The following CRYBG1 variants were observed in gnomAD, a reference collection of about 807,000 sequenced individuals.
The protein encoded by CRYBG1 is crystallin beta-gamma domain containing 1.
Under a neutral mutation model 189.2 loss-of-function variants are expected in CRYBG1, and 139 were observed. The observed-to-expected ratio is 0.73, with a 90% CI of 0.64 to 0.85. The LOEUF is 0.85. Ranked by LOEUF, CRYBG1 falls within the 40% of genes least tolerant of loss-of-function variation. CRYBG1 has a pLI of 0.00. For synonymous variants in CRYBG1, 1,023 were observed against 1,017.1 expected, an observed-to-expected ratio of 1.01 and a Z score of -0.11; for missense variants, 2,611 against 2,675.8, an observed-to-expected ratio of 0.98 and a Z score of 0.53.
chr6:106,528,322 C>T (rs935543912), intron 7 of CRYBG1, among the ~76,000 whole-genome samples: 1 of 152,062 alleles, frequency 6.6e-6, no homozygotes, highest in Non-Finnish European at 1.5e-5. Flanking sequence ...TTCAAAATGT[C>T]CTCATTAGTG....
intron 1 of CRYBG1, among the ~76,000 whole-genome samples, chr6:106,361,914 TA>T (rs1370430265): frequency 1.3e-5 from 2 of 150,740 alleles, no homozygotes; most frequent in Admixed American, 6.6e-5. Flanking sequence ...AGGGCCAGAA[TA>T]AAATTGTGCA....
chr6:106,545,745 C>G (rs940810224), intron 13 of CRYBG1, among the ~76,000 whole-genome samples: 1 of 152,088 alleles, frequency 6.6e-6, no homozygotes, highest in African/African-American at 2.4e-5. Flanking sequence ...GTGGCAAAAT[C>G]TCAGCTCACT....
At chr6:106,442,155 A>G (rs555540574) in intron 1 of CRYBG1, among the ~76,000 whole-genome samples, 1 of 152,362 alleles carries the variant, frequency 6.6e-6, no homozygotes, top group Admixed American at 6.5e-5. Flanking sequence ...AGAAAATACA[A>G]TAAATGCTAA....
intron 8 of CRYBG1, among the ~76,000 whole-genome samples, chr6:106,530,555 T>C (rs1289239124): frequency 1.3e-5 from 2 of 152,116 alleles, no homozygotes; most frequent in Non-Finnish European, 2.9e-5. Context: ...AATTTTTTAA[T>C]GTAAGGCTTT....
intron 3 of CRYBG1, among the ~76,000 whole-genome samples, chr6:106,514,452 T>C (rs927307542): frequency 7.2e-5 from 11 of 152,276 alleles, no homozygotes; most frequent in African/African-American, 2.4e-4. Context: ...GAGGGAAGTA[T>C]GCGTAATGAA....
In CRYBG1 at chr6:106,570,296, T is replaced by C. The variant is rs1775021756; in HGVS notation, c.*1730T>C. The C allele has an allele frequency of 6.6e-6, 1 of 152,270 alleles. No homozygotes were observed. Among genetic ancestry groups the C allele is most frequent in the Non-Finnish European group, 1.5e-5 (1 of 68,048 alleles). 9.4% of individuals were successfully genotyped at this position (152,270 alleles called of 1,614,324 possible). On this transcript the variant is annotated 3_prime_UTR_variant, in exon 22 of 22. Transcript: ENST00000633556. ...CTTGTTTTAAAATATTATTGGTGCA[T>C]GTACAACAGCATCCAACATATCTGT... is the stretch of plus-strand genomic sequence containing the variant.
chr6:106,472,834 G>A (rs1772261679), intron 2 of CRYBG1, among the ~76,000 whole-genome samples: 1 of 151,552 alleles, frequency 6.6e-6, no homozygotes, highest in South Asian at 2.1e-4. Context: ...AGCCTGGGAG[G>A]TGGAGGCTAC....
intron 3 of CRYBG1, among the ~76,000 whole-genome samples, chr6:106,514,224 C>A (rs1247980844): frequency 6.6e-6 from 1 of 152,184 alleles, no homozygotes; most frequent in Non-Finnish European, 1.5e-5. Flanking sequence ...TCCCTTCTCA[C>A]ACTTCTGCTC....
rs1771006963 is a variant in CRYBG1 at position 106,415,587 on chromosome 6, ATGGTGG to A, written c.174-36105_174-36100del. ...AAAAAAAAATGAAAATTAGCCAGGC[ATGGTGG>A]TATATACCTGTAGACCCAGCTACTC... On this transcript the variant is annotated intron_variant, in intron 1 of 21. Coordinates refer to ENST00000633556, the MANE Select transcript of CRYBG1 (RefSeq NM_001371242.2). Among the ~76,000 whole-genome samples the A allele has an allele frequency of 2.6e-5, 4 of 152,122 alleles. No individual in the cohort carries two copies. The South Asian group carries it at 8.3e-4, about 32-fold the overall frequency.
At chr6:106,532,838 T>C (rs1292650127) in intron 8 of CRYBG1, among the ~76,000 whole-genome samples, 3 of 152,234 alleles carry the variant, frequency 2.0e-5, no homozygotes, top group Non-Finnish European at 2.9e-5. Flanking sequence ...TTTTATTTCC[T>C]CTGCATACCC....
At chr6:106,414,451 C>T (rs1770985435) in intron 1 of CRYBG1, among the ~76,000 whole-genome samples, 1 of 152,198 alleles carries the variant, frequency 6.6e-6, no homozygotes, top group South Asian at 2.1e-4. Flanking sequence ...TGGAGGCAGA[C>T]TATCAAGTTT....
intron 2 of CRYBG1, among the ~76,000 whole-genome samples, chr6:106,462,142 TTTTG>T (rs144868471): frequency 0.077 from 11,650 of 152,104 alleles, 701 homozygotes; most frequent in East Asian, 0.24. Flanking sequence ...TTCTGAAGTT[TTTTG>T]TTTGTTTGTT....
At chr6:106,558,152 C>T (rs1774601757) in intron 17 of CRYBG1, among the ~76,000 whole-genome samples, 1 of 54,130 alleles carries the variant, frequency 1.8e-5, no homozygotes, top group African/African-American at 3.5e-5. Flanking sequence ...TCCAGCCCCT[C>T]CTTGTCCCAG....
intron 1 of CRYBG1, among the ~76,000 whole-genome samples, chr6:106,399,918 C>T (rs1402866016): frequency 2.0e-5 from 3 of 151,978 alleles, no homozygotes; most frequent in Admixed American, 2.0e-4. Flanking sequence ...AGGCAGATCA[C>T]CTGAGGTCAG....
chr6:106,561,551 C>T (rs375513374), intron 20 of CRYBG1, 51 bp downstream of exon 20: 952 of 1,558,156 alleles, frequency 6.1e-4, no homozygotes, highest in Non-Finnish European at 7.7e-4. Context: ...TAGGAGGTGA[C>T]TCATCCTTTC....
chr6:106,505,985 G>A (rs528949358), intron 2 of CRYBG1, among the ~76,000 whole-genome samples: 11 of 152,274 alleles, frequency 7.2e-5, no homozygotes, highest in African/African-American at 2.6e-4. Flanking sequence ...AGGATGCACA[G>A]GTGAGTACAT....
chr6:106,456,923 TCAA>T (rs770035387), intron 2 of CRYBG1, among the ~76,000 whole-genome samples: 1 of 152,098 alleles, frequency 6.6e-6, no homozygotes, highest in Non-Finnish European at 1.5e-5. Flanking sequence ...ACACAATACA[TCAA>T]CATTATCACT....
intron 2 of CRYBG1, among the ~76,000 whole-genome samples, chr6:106,499,229 C>T (rs1312200876): frequency 8.1e-5 from 12 of 148,508 alleles, no homozygotes; most frequent in East Asian, 4.0e-4. Flanking sequence ...CTCAGCTCAC[C>T]GCAACTTCCG....
At chr6:106,404,594 A>C (rs554929615) in intron 1 of CRYBG1, among the ~76,000 whole-genome samples, 3 of 152,252 alleles carry the variant, frequency 2.0e-5, no homozygotes, top group African/African-American at 7.2e-5. Flanking sequence ...GGCTGGCAAG[A>C]TGCCCAAATA....
Sources: gnomAD v4.1 joint callset for allele counts (sites outside exome capture counted in the v4.1 genomes callset) on GRCh38, gnomAD v4.1.1 for gene constraint, MANE v1.5 for transcripts, NCBI Gene and HGNC (gene_info 2026-07-23, HGNC 2026-07-21) for gene names.